Variants in ADAM22 observed in about 807,000 individuals in gnomAD.
ADAM22 encodes ADAM metallopeptidase domain 22, also known as disintegrin and metalloproteinase domain-containing protein 22.
In ADAM22, 65 loss-of-function variants were observed where a neutral mutation model predicts 144.6. The observed-to-expected ratio is 0.45, with a 90% confidence interval of 0.37 to 0.55. ADAM22 has a LOEUF of 0.55. Among genes scored for constraint, ADAM22 ranks in the 20% least tolerant of loss-of-function variants. ADAM22 has a pLI of 0.00. For missense variants in ADAM22, 974 were observed against 1,184.9 expected, an observed-to-expected ratio of 0.82 and a Z score of 2.61; for synonymous variants, 391 against 412.6, an observed-to-expected ratio of 0.95 and a Z score of 0.63.
intron 4 of ADAM22, among the ~76,000 whole-genome samples, chr7:88,104,754 C>T (rs551959341): frequency 9.7e-4 from 147 of 152,074 alleles, no homozygotes; most frequent in African/African-American, 3.4e-3. Context: ...ACATATACCA[C>T]CAGTTGAGAC....
At chr7:88,178,894 G>A (rs1325997468) in intron 26 of ADAM22, 41 bp from the exon 27 acceptor site, 7 of 1,311,712 alleles carry the variant, frequency 5.3e-6, no homozygotes, top group Middle Eastern at 3.8e-4. Context: ...GTTCATGTGT[G>A]TGTCTTGTTT....
At chr7:88,143,691 T>C (rs1835470350) in intron 15 of ADAM22, among the ~76,000 whole-genome samples, 1 of 152,238 alleles carries the variant, frequency 6.6e-6, no homozygotes, top group Non-Finnish European at 1.5e-5. Context: ...TCCTCCTGCA[T>C]TTTGAAGACT....
At chr7:88,113,265 G>C (rs2129488859) in intron 5 of ADAM22, among the ~76,000 whole-genome samples, 2 of 149,418 alleles carry the variant, frequency 1.3e-5, no homozygotes, top group South Asian at 4.3e-4. Flanking sequence ...TACGTACTTT[G>C]TTTCAAATCC....
intron 20 of ADAM22, 25 bp from the exon 21 acceptor site, chr7:88,153,196 G>C: frequency 6.3e-7 from 1 of 1,577,886 alleles, no homozygotes; most frequent in South Asian, 1.1e-5. Context: ...TTCCCTCACT[G>C]ATAGAAAATT....
rs1351205394 is a variant in ADAM22, at chr7:88,201,876, A to G, written c.*5385A>G. 1 of 152,200 alleles carries G rather than the reference A, an allele frequency of 6.6e-6. No individual in the cohort carries two copies. Among genetic ancestry groups the G allele is most frequent in the East Asian group, 1.9e-4 (1 of 5,204 alleles). 9.4% of individuals were successfully genotyped at this position (152,200 alleles called of 1,614,324 possible). A position where few individuals can be genotyped will look rare whatever the true frequency, so the allele number is the denominator to read the frequency against. ...TTTCCTTTCTTGTAAAAAATGTTAT[A>G]TATATATAATATTCTGATCTGCATT... On this transcript the variant is annotated 3_prime_UTR_variant, in exon 32 of 32. Transcript: ENST00000413139.
At chr7:88,166,794 A>G (rs1301774011) in intron 24 of ADAM22, among the ~76,000 whole-genome samples, 1 of 152,162 alleles carries the variant, frequency 6.6e-6, no homozygotes, top group Non-Finnish European at 1.5e-5. Flanking sequence ...TAATTCAAAG[A>G]CAATAATATT....
intron 17 of ADAM22, among the ~76,000 whole-genome samples, chr7:88,146,922 A>G (rs1291436751): frequency 6.6e-6 from 1 of 152,214 alleles, no homozygotes. Flanking sequence ...TGTGAAAGAC[A>G]TTCTTTGATT....
intron 2 of ADAM22, among the ~76,000 whole-genome samples, chr7:87,974,109 AAAAG>A (rs1404877701): frequency 1.3e-5 from 2 of 151,010 alleles, no homozygotes; most frequent in African/African-American, 4.8e-5. Context: ...TAAAAAAAAA[AAAAG>A]AGAAACCTTG....
intron 26 of ADAM22, among the ~76,000 whole-genome samples, chr7:88,173,410 A>G (rs934293295): frequency 2.0e-5 from 3 of 151,992 alleles, no homozygotes; most frequent in African/African-American, 7.2e-5. Context: ...CTTGCCCATA[A>G]CTAATGAATA....
chr7:88,083,772 C>G (rs75278674), intron 4 of ADAM22, among the ~76,000 whole-genome samples: 11 of 151,952 alleles, frequency 7.2e-5, no homozygotes, highest in African/African-American at 2.4e-4. Flanking sequence ...AATAATTATG[C>G]CTGTCTCTCC....
At chr7:87,947,539 G>T (rs1433608990) in intron 2 of ADAM22, among the ~76,000 whole-genome samples, 1 of 151,940 alleles carries the variant, frequency 6.6e-6, no homozygotes, top group East Asian at 1.9e-4. Context: ...AAGTGGTGGG[G>T]AGAGGATATT....
chr7:88,130,116 A>T (rs1400902163), intron 9 of ADAM22, among the ~76,000 whole-genome samples: 4 of 134,002 alleles, frequency 3.0e-5, no homozygotes, highest in African/African-American at 1.0e-4. Flanking sequence ...AACTTATGAA[A>T]TGGATGGATT....
At chr7:88,140,871 T>G (rs947002598) in intron 14 of ADAM22, among the ~76,000 whole-genome samples, 1 of 152,028 alleles carries the variant, frequency 6.6e-6, no homozygotes, top group Non-Finnish European at 1.5e-5. Context: ...CAGTGAGAGT[T>G]TTATTACTAG....
intron 2 of ADAM22, among the ~76,000 whole-genome samples, chr7:87,968,463 A>G (rs1849661580): frequency 6.6e-6 from 1 of 152,186 alleles, no homozygotes; most frequent in Non-Finnish European, 1.5e-5. Context: ...GCTTGAGCCC[A>G]GGAGTTTGAG....
intron 3 of ADAM22, among the ~76,000 whole-genome samples, chr7:88,055,668 G>A (rs1260874488): frequency 6.6e-6 from 1 of 152,126 alleles, no homozygotes; most frequent in African/African-American, 2.4e-5. Context: ...AAGATAACTC[G>A]GTCCTTCTCC....
In ADAM22 at chr7:88,171,145, A is replaced by G. The variant is rs144975360; in HGVS notation, c.2283-399A>G. Reference sequence around the variant, plus strand: ...GTTTATATTCCATTAGGAATGAATTATAATTTTATTTCTGTAAAAAGTTAT... The same window carrying G: ...GTTTATATTCCATTAGGAATGAATTGTAATTTTATTTCTGTAAAAAGTTAT... On this transcript the variant is annotated intron_variant, in intron 25 of 31. Coordinates refer to ENST00000413139, the MANE Select transcript of ADAM22 (RefSeq NM_001324418.2). Among the ~76,000 whole-genome samples the G allele has an allele frequency of 2.1e-3, 322 of 152,046 alleles. 6 individuals are homozygous for G. The highest frequency in any genetic ancestry group is 0.016 in the Admixed American group (241 of 15,248).
chr7:88,187,113 C>T (rs1479912008), intron 30 of ADAM22, among the ~76,000 whole-genome samples: 7 of 152,144 alleles, frequency 4.6e-5, no homozygotes, highest in African/African-American at 1.7e-4. Flanking sequence ...GTGCATAGTG[C>T]ATACAAAAAC....
At chr7:88,008,874 T>C (rs1794661790) in intron 3 of ADAM22, among the ~76,000 whole-genome samples, 1 of 148,036 alleles carries the variant, frequency 6.8e-6, no homozygotes. Context: ...TGTGCACATG[T>C]ACCCTAAAAC....
chr7:87,965,942 T>C (rs1038460553), intron 2 of ADAM22, among the ~76,000 whole-genome samples: 3 of 152,266 alleles, frequency 2.0e-5, no homozygotes, highest in Admixed American at 1.3e-4. Flanking sequence ...ATTTACTCAT[T>C]TTTCCTCTTC....
Sources: gnomAD v4.1 joint callset for allele counts (sites outside exome capture counted in the v4.1 genomes callset) on GRCh38, gnomAD v4.1.1 for gene constraint, MANE v1.5 for transcripts, NCBI Gene and HGNC (gene_info 2026-07-23, HGNC 2026-07-21) for gene names.